RFX4: variants seen among roughly 807,000 people sequenced by gnomAD.
RFX4 encodes the protein regulatory factor X4, also known as transcription factor RFX4.
In RFX4, 10 loss-of-function variants were observed where a neutral mutation model predicts 95.0. That is an observed-to-expected ratio of 0.11 (90% confidence interval 0.06 to 0.18). RFX4 has a LOEUF of 0.18. Ranked by LOEUF, RFX4 falls within the 10% of genes least tolerant of loss-of-function variation. The probability of loss-of-function intolerance (pLI) is 1.00; values close to 1 mark genes in which losing one functional copy is unlikely to be tolerated. For synonymous variants in RFX4, 321 were observed against 340.7 expected (o/e 0.94, Z 0.64); for missense variants, 640 against 922.0 (o/e 0.69, Z 3.96).
chr12:106,731,344 T>C lies in RFX4; in HGVS notation c.1352-786T>C, dbSNP rs2042608794. ...AATCGTGTCATCTTGCATAAGTGCT[T>C]GGCCTGCAAAATAAGAATAAAAATA... On this transcript the variant is annotated intron_variant, in intron 13 of 17. Coordinates refer to ENST00000392842, the MANE Select transcript of RFX4 (RefSeq NM_213594.3). 3.9e-5 allele frequency among the ~76,000 whole-genome samples: 6 copies of C among 152,324 alleles called. No individual in the cohort carries two copies. The South Asian group carries it at 1.2e-3, about 32-fold the overall frequency.
At chr12:106,694,993 C>T (rs1565983280) in intron 7 of RFX4, among the ~76,000 whole-genome samples, 1 of 152,134 alleles carries the variant, frequency 6.6e-6, no homozygotes, top group Non-Finnish European at 1.5e-5. Context: ...GCCGAGACCA[C>T]ACCACTGCAC....
rs1443795120 is a variant in RFX4, at chr12:106,687,182, T to TCTCACACACA, written c.591+86_591+87insTCACACACAC. 1.3e-3 allele frequency: 713 copies of TCTCACACACA among 547,040 alleles called. 3 individuals are homozygous for TCTCACACACA. Among genetic ancestry groups the TCTCACACACA allele is most frequent in the African/African-American group, 3.4e-3 (161 of 47,236 alleles). The allele number at this position is 547,040 out of a possible 1,614,324, so 33.9% of individuals were successfully genotyped here. A position where few individuals can be genotyped will look rare whatever the true frequency, so the allele number is the denominator to read the frequency against. On this transcript the variant is annotated intron_variant, in intron 6 of 17. Coordinates refer to ENST00000392842, the MANE Select transcript of RFX4 (RefSeq NM_213594.3). The stretch of plus-strand genomic sequence containing the variant: ...CTCTGTCTCTATCTCTCTCTCTCTC[T>TCTCACACACA]CACACACACACACACACACACACAC...
Position 106,709,333 on chromosome 12 carries a change from A to G in RFX4, c.837A>G (p.Leu279=). 6.2e-7 allele frequency: 1 copy of G among 1,613,340 alleles called. No individual in the cohort carries two copies. The highest frequency in any genetic ancestry group is 2.2e-5 in the East Asian group (1 of 44,858). The part of the protein sequence containing the change: ...PTVLQALPDS[L]TQVIRKFAKQ... ...AACTCATCGTTTCTTTTTCTAGCTTAACTCAGGTGATTCGAAAGTTTGCCA... is the reference window on the plus strand; with the variant it reads ...AACTCATCGTTTCTTTTTCTAGCTTGACTCAGGTGATTCGAAAGTTTGCCA... The change falls in exon 9 of 18, where the codon TTA becomes TTG. Residue 279 remains leucine, a synonymous_variant. Coordinates refer to ENST00000392842, the MANE Select transcript of RFX4 (RefSeq NM_213594.3).
At chr12:106,693,162 C>A in intron 7 of RFX4, 1 of 398,254 alleles carries the variant, frequency 2.5e-6, no homozygotes, top group Non-Finnish European at 5.0e-6. Flanking sequence ...AGTGCTTGAG[C>A]TAAGGCCATT....
At chr12:106,637,852 A>G (rs546017590) in intron 2 of RFX4, among the ~76,000 whole-genome samples, 13 of 152,182 alleles carry the variant, frequency 8.5e-5, no homozygotes, top group Non-Finnish European at 1.6e-4. Context: ...CTGCAAGTTA[A>G]AAATGGTCTT....
rs149587196 is a variant in RFX4 at position 106,683,466 on chromosome 12, G to GAAAAAAAAAAAAA, written c.377+1430_377+1442dup. ...AATAATTTTCCAAGATGACTATTCT[G>GAAAAAAAAAAAAA]AAAAAAAAAAAAAAAAAAAAAAAAA... On this transcript the variant is annotated intron_variant, in intron 5 of 17. Transcript: ENST00000392842. 1.6e-4 allele frequency: 8 copies of GAAAAAAAAAAAAA among 50,816 alleles called. 3 individuals are homozygous for GAAAAAAAAAAAAA. The highest frequency in any genetic ancestry group is 7.6e-4 in the Admixed American group (2 of 2,644). The allele number at this position is 50,816 out of a possible 1,614,324, so 3.1% of individuals were successfully genotyped here. A position where few individuals can be genotyped will look rare whatever the true frequency, so the allele number is the denominator to read the frequency against.
intron 1 of RFX4, among the ~76,000 whole-genome samples, chr12:106,591,884 G>A (rs1008635399): frequency 3.9e-5 from 6 of 152,298 alleles, no homozygotes; most frequent in South Asian, 2.1e-4. Flanking sequence ...GGTATGTAGT[G>A]TGACTTAGTG....
At chr12:106,623,878 A>T (rs1382782170) in intron 2 of RFX4, among the ~76,000 whole-genome samples, 1 of 152,226 alleles carries the variant, frequency 6.6e-6, no homozygotes, top group Non-Finnish European at 1.5e-5. Context: ...TATTTAACCG[A>T]AGATGGGAAG....
rs74325654 is a variant in RFX4, at chr12:106,619,104, C to A, written c.130+10221C>A. Among the ~76,000 whole-genome samples, 633 of 152,222 alleles carry A rather than the reference C, an allele frequency of 4.2e-3. 4 individuals are homozygous for A. The highest frequency in any genetic ancestry group is 0.014 in the African/African-American group (580 of 41,548). ...ATACATCTTGTACAAGTGTTATACA[C>A]CCCACAAGGCATAATTATTATTGTT... On this transcript the variant is annotated intron_variant, in intron 2 of 17. Coordinates refer to ENST00000392842, the MANE Select transcript of RFX4 (RefSeq NM_213594.3).
chr12:106,603,245 T>C (rs2039749320), intron 1 of RFX4, among the ~76,000 whole-genome samples: 1 of 152,252 alleles, frequency 6.6e-6, no homozygotes, highest in South Asian at 2.1e-4. Flanking sequence ...AACCTTGAAC[T>C]GCCTTGGACG....
intron 2 of RFX4, among the ~76,000 whole-genome samples, chr12:106,630,015 A>G (rs531242022): frequency 6.6e-6 from 1 of 152,314 alleles, no homozygotes; most frequent in South Asian, 2.1e-4. Flanking sequence ...TGTAATTTCT[A>G]TGTTTATTGA....
chr12:106,706,731 GAA>G (rs561703617), intron 8 of RFX4, among the ~76,000 whole-genome samples: 3 of 152,020 alleles, frequency 2.0e-5, no homozygotes, highest in African/African-American at 7.2e-5. Flanking sequence ...CAAAATAGGG[GAA>G]AAAAATATTT....
At chr12:106,731,856 T>G (rs544327152) in intron 13 of RFX4, among the ~76,000 whole-genome samples, 1 of 152,088 alleles carries the variant, frequency 6.6e-6, no homozygotes, top group Admixed American at 6.5e-5. Flanking sequence ...GTGGGTGCCA[T>G]TTTTGATGGT....
intron 1 of RFX4, among the ~76,000 whole-genome samples, chr12:106,584,365 C>T (rs868471984): frequency 1.3e-5 from 2 of 152,088 alleles, no homozygotes; most frequent in African/African-American, 2.4e-5. Context: ...TTCATTTTGG[C>T]CCCCTGCAGC....
chr12:106,722,682 A>G (rs966287146), intron 13 of RFX4, among the ~76,000 whole-genome samples: 2 of 152,222 alleles, frequency 1.3e-5, no homozygotes, highest in Non-Finnish European at 2.9e-5. Flanking sequence ...GTATTTCTCA[A>G]CCCTGAGTGG....
intron 2 of RFX4, among the ~76,000 whole-genome samples, chr12:106,624,839 G>A (rs1044332972): frequency 2.0e-5 from 3 of 152,126 alleles, no homozygotes; most frequent in Non-Finnish European, 4.4e-5. Flanking sequence ...TGATTAGCAA[G>A]CAGGAAAAAA....
intron 3 of RFX4, among the ~76,000 whole-genome samples, chr12:106,644,827 T>G (rs1441721348): frequency 6.6e-6 from 1 of 152,198 alleles, no homozygotes; most frequent in African/African-American, 2.4e-5. Flanking sequence ...GGCATTTATG[T>G]CCTTCATGCT....
At chr12:106,710,873 T>A (rs1466565757) in intron 9 of RFX4, among the ~76,000 whole-genome samples, 1 of 152,206 alleles carries the variant, frequency 6.6e-6, no homozygotes, top group Non-Finnish European at 1.5e-5. Context: ...GCCTATTATG[T>A]CAGTGTAGGA....
intron 10 of RFX4, 55 bp downstream of exon 10, chr12:106,711,566 G>A: frequency 6.7e-7 from 1 of 1,501,726 alleles, no homozygotes; most frequent in South Asian, 1.1e-5. Context: ...CAAATGAGGG[G>A]GCAAATCCAC....
Sources: allele counts gnomAD v4.1 joint callset (sites outside exome capture counted in the v4.1 genomes callset), GRCh38; gene constraint gnomAD v4.1.1; transcripts MANE v1.5; gene names NCBI Gene and HGNC (gene_info 2026-07-23, HGNC 2026-07-21).